PLPPR3: variants seen among roughly 807,000 people sequenced by gnomAD.
PLPPR3 encodes the protein phospholipid phosphatase related 3.
A neutral mutation model predicts 27.3 loss-of-function variants in PLPPR3; 14 were observed. The ratio of observed to expected loss-of-function variants is 0.51; its 90% confidence interval spans 0.34 to 0.80. The LOEUF (loss-of-function observed/expected upper bound fraction) is 0.80. PLPPR3 is among the 30% of genes least tolerant of loss of function. The pLI is 0.01. For missense variants in PLPPR3, 1,287 were observed against 1,056.9 expected (o/e 1.22, Z -3.02); for synonymous variants, 671 against 508.0 (o/e 1.32, Z -4.32).
In PLPPR3 at chr19:816,592, T is replaced by TCTAA. The variant is rs1383826478; in HGVS notation, c.76-742_76-741insTTAG. ...CATCACCCAGCCATTCATTCATCTA[T>TCTAA]CCATCCATCCATCATCCACCCATTC... On this transcript the variant is annotated intron_variant, in intron 2 of 7. Coordinates refer to ENST00000520876, the MANE Select transcript of PLPPR3 (RefSeq NM_001270366.2). Among the ~76,000 whole-genome samples the TCTAA allele has an allele frequency of 1.4e-4, 11 of 76,628 alleles. No individual in the cohort carries two copies. The South Asian group carries it at 4.1e-3, about 29-fold the overall frequency. The allele number at this position is 76,628 out of a possible 152,430, so 50.3% of individuals were successfully genotyped here.
chr19:815,903 C>T (rs1375831540), intron 2 of PLPPR3, 52 bp from the exon 3 acceptor site: 8 of 1,563,212 alleles, frequency 5.1e-6, no homozygotes, highest in Middle Eastern at 1.7e-4. Flanking sequence ...GCGGAGGCGT[C>T]TGTCCAGCCC....
At position 813,368 on chromosome 19, in the gene PLPPR3, C is replaced by G. The variant is rs2034979128; in HGVS notation, c.1359G>C (p.Glu453Asp). The G allele has an allele frequency of 1.3e-6, 2 of 1,494,004 alleles. No individual in the cohort carries two copies. Among genetic ancestry groups the G allele is most frequent in the Non-Finnish European group, 1.8e-6 (2 of 1,129,714 alleles). 92.5% of individuals were successfully genotyped at this position (1,494,004 alleles called of 1,614,324 possible). Residue 453 changes from glutamate to aspartate, a missense_variant, in exon 8 of 8, where the codon GAG (glutamate) becomes GAC (aspartate). Transcript: ENST00000520876. The surrounding 1 kb of genome is among the most constrained non-coding windows in gnomAD (Gnocchi z 4.1). ...CCTCGTCCTCCTCCTCTTCCTCCTC[C>G]TCCTCTTCCTCTTCGTCCTCCTCCT... ...EEEEEDEEEE[E>D]EEEEEEDEGP...
chr19:818,105 G>C (rs570852199), intron 2 of PLPPR3, among the ~76,000 whole-genome samples: 1 of 152,202 alleles, frequency 6.6e-6, no homozygotes. Context: ...ACCATGGGCC[G>C]GGTGCGGTGG....
chr19:812,795 G>T lies in PLPPR3; in HGVS notation c.1932C>A (p.Ser644Arg). 1 of 1,091,552 alleles carries T rather than the reference G, an allele frequency of 9.2e-7. No individual in the cohort carries two copies. Among genetic ancestry groups the T allele is most frequent in the East Asian group, 5.7e-5 (1 of 17,570 alleles). 67.6% of individuals were successfully genotyped at this position (1,091,552 alleles called of 1,614,324 possible). Residue 644 changes from serine (S) to arginine (R), a missense_variant, in exon 8 of 8, where the codon AGC becomes AGA. Ser to Arg is a moderately radical substitution (Grantham distance 110). Coordinates refer to ENST00000520876, the MANE Select transcript of PLPPR3 (RefSeq NM_001270366.2). ...PPGVSPGSSV[S>R]DVDQEEPRFG... Reference sequence around the variant, plus strand: ...ACCGCGGCTCCTCCTGGTCCACGTCGCTGACCGACGAGCCGGGGGACACGC... The same window carrying T: ...ACCGCGGCTCCTCCTGGTCCACGTCTCTGACCGACGAGCCGGGGGACACGC...
intron 2 of PLPPR3, among the ~76,000 whole-genome samples, chr19:820,524 CT>C (rs34412504): frequency 1.1e-3 from 151 of 138,318 alleles, no homozygotes; most frequent in African/African-American, 3.1e-3. Context: ...TTATTGTCTT[CT>C]TTTTTTTTTT....
At chr19:815,111 G>C (rs1380526875) in intron 4 of PLPPR3, 30 bp from the exon 5 acceptor site, 1 of 1,600,950 alleles carries the variant, frequency 6.2e-7, no homozygotes, top group Non-Finnish European at 8.5e-7. Flanking sequence ...GCCAGGCGGG[G>C]AGCTGGGGAC....
chr19:815,994 G>A (rs1369832262), intron 2 of PLPPR3, 143 bp from the exon 3 acceptor site: 7 of 772,454 alleles, frequency 9.1e-6, no homozygotes, highest in Admixed American at 2.8e-5. Flanking sequence ...TCCCCCATGA[G>A]TTATTCATCC....
chr19:813,463 C>A lies in PLPPR3; in HGVS notation c.1264G>T (p.Gly422Trp). The change falls in exon 8 of 8, where the codon GGG (glycine) becomes TGG (tryptophan). Residue 422 changes from glycine (G) to tryptophan (W), a missense_variant. By Grantham distance (184) the Gly-to-Trp change is radical (BLOSUM62 -2). Coordinates refer to ENST00000520876, the MANE Select transcript of PLPPR3 (RefSeq NM_001270366.2). This position sits in a 1 kb window ranked among gnomAD's most constrained non-coding sequence, Gnocchi z 4.1. Reference sequence around the variant, plus strand: ...CCGGGGCTGGCGTCGTCGGGCAGCCCCAGGCCGCGGCCCTCCAGGCTCTTC... The same window carrying A: ...CCGGGGCTGGCGTCGTCGGGCAGCCACAGGCCGCGGCCCTCCAGGCTCTTC... The part of the protein sequence containing the change: ...KQKSLEGRGL[G>W]LPDDASPGHL... 6.5e-7 allele frequency: 1 copy of A among 1,536,180 alleles called. No homozygotes were observed. Among genetic ancestry groups the A allele is most frequent in the Non-Finnish European group, 8.7e-7 (1 of 1,145,800 alleles).
chr19:814,412 C>T (rs1333971874), intron 7 of PLPPR3, 22 bp downstream of exon 7: 4 of 1,580,752 alleles, frequency 2.5e-6, no homozygotes, highest in Non-Finnish European at 3.4e-6. Flanking sequence ...CATGCCGACC[C>T]CCATCAGAAC....
At position 812,556 on chromosome 19, in the gene PLPPR3, C is replaced by T. The variant is rs1049052279; in HGVS notation, c.*14G>A. 9.0e-6 allele frequency: 9 copies of T among 1,002,022 alleles called. No individual in the cohort carries two copies. The highest frequency in any genetic ancestry group is 9.5e-6 in the Non-Finnish European group (8 of 840,680). 62.1% of individuals were successfully genotyped at this position (1,002,022 alleles called of 1,614,324 possible). The stretch of plus-strand genomic sequence containing the variant: ...CCCTCGGCCCGCCCCCCGCCCGCCC[C>T]CGGCCCCGCCGCGCTAGTCGGGGAA... On this transcript the variant is annotated 3_prime_UTR_variant, in exon 8 of 8. Coordinates refer to ENST00000520876, the MANE Select transcript of PLPPR3 (RefSeq NM_001270366.2).
chr19:823,457 A>C (rs985332902), upstream of PLPPR3, among the ~76,000 whole-genome samples: 6 of 136,328 alleles, frequency 4.4e-5, no homozygotes, highest in Non-Finnish European at 7.4e-5. Context: ...AAAAAAAAAA[A>C]ACAAACAAAC....
chr19:816,935 CCCAT>C (rs1391251139), intron 2 of PLPPR3, among the ~76,000 whole-genome samples: 1 of 149,728 alleles, frequency 6.7e-6, no homozygotes, highest in African/African-American at 2.4e-5. Context: ...CACCCACCCA[CCCAT>C]CCACCTATCC....
At chr19:816,307 A>C (rs1599260332) in intron 2 of PLPPR3, among the ~76,000 whole-genome samples, 4 of 133,116 alleles carry the variant, frequency 3.0e-5, no homozygotes, top group South Asian at 2.4e-4. Context: ...CCATCTATCC[A>C]CCCACCCAAC....
At chr19:816,805 CCCAT>C (rs146319967) in intron 2 of PLPPR3, among the ~76,000 whole-genome samples, 73,602 of 147,728 alleles carry the variant, frequency 0.5, 19,276 homozygotes, top group African/African-American at 0.68. Context: ...CCCAACAGTA[CCCAT>C]CCATCCATCC....
intron 2 of PLPPR3, among the ~76,000 whole-genome samples, chr19:821,201 A>AC (rs1293319463): frequency 4.5e-5 from 1 of 22,300 alleles, no homozygotes; most frequent in African/African-American, 1.7e-4. Flanking sequence ...CCAGCCCCCG[A>AC]CCCCCAGCCC....
In PLPPR3 at chr19:821,842, G is replaced by A. The variant is rs532739373; in HGVS notation, c.-27+73C>T. On this transcript the variant is annotated intron_variant, in intron 1 of 7. Transcript: ENST00000520876. ...AGCCAGTCCCCGCGTGGTGGTGGGG[G>A]GCATCCGGGAGAACTGGGGTTCCGG... 2.1e-4 allele frequency: 65 copies of A among 307,774 alleles called. No homozygotes were observed. In the East Asian group the frequency reaches 3.2e-3, roughly 15 times the overall value. 19.1% of individuals were successfully genotyped at this position (307,774 alleles called of 1,614,324 possible).
intron 3 of PLPPR3, 75 bp downstream of exon 3, chr19:815,591 T>C: frequency 1.4e-6 from 2 of 1,419,234 alleles, no homozygotes; most frequent in South Asian, 1.3e-5. Flanking sequence ...AGTGTGGATG[T>C]TCACCGAGGT....
At chr19:817,924 C>T (rs2035085727) in intron 2 of PLPPR3, among the ~76,000 whole-genome samples, 2 of 152,176 alleles carry the variant, frequency 1.3e-5, no homozygotes, top group Admixed American at 1.3e-4. Context: ...GATAAAGTAG[C>T]CGCCTCCAAG....
chr19:812,902 C>T lies in PLPPR3; in HGVS notation c.1825G>A (p.Gly609Ser). The T allele has an allele frequency of 1.6e-6, 2 of 1,281,200 alleles. No homozygotes were observed. The highest frequency in any genetic ancestry group is 4.3e-5 in the East Asian group (1 of 23,060). 79.4% of individuals were successfully genotyped at this position (1,281,200 alleles called of 1,614,324 possible). Residue 609 changes from glycine to serine, a missense_variant, in exon 8 of 8, where the codon GGC becomes AGC. Physicochemically the swap from Gly to Ser is moderately conservative, Grantham distance 56. Transcript: ENST00000520876. ...CCGTCGGCCTCCGCCTTGGCCCCGC[C>T]GCCCGCCGCCTTCCACTCCCAGGGC... is the stretch of plus-strand genomic sequence containing the variant. The part of the protein sequence containing the change: ...GAPWEWKAAG[G>S]GAKAEADGGY...
Sources: allele counts gnomAD v4.1 joint callset (sites outside exome capture counted in the v4.1 genomes callset), GRCh38; gene constraint gnomAD v4.1.1; non-coding constraint Gnocchi (gnomAD v3.1); transcripts MANE v1.5; gene names NCBI Gene and HGNC (gene_info 2026-07-23, HGNC 2026-07-21).